The following GRIN2B variants were observed in gnomAD, a reference collection of about 807,000 sequenced individuals.
GRIN2B encodes glutamate ionotropic receptor NMDA type subunit 2B, also known as glutamate receptor ionotropic, NMDA 2B.
In GRIN2B, 5 loss-of-function variants were observed where a neutral mutation model predicts 114.5. The observed-to-expected ratio is 0.04, with a 90% confidence interval of 0.02 to 0.09. The LOEUF (loss-of-function observed/expected upper bound fraction) is 0.09, where lower values mean the gene tolerates loss of function less well. Among genes scored for constraint, GRIN2B ranks in the 10% least tolerant of loss-of-function variants. The pLI, the probability that GRIN2B is intolerant of heterozygous loss-of-function variation, is 1.00. For missense variants in GRIN2B, 1,108 were observed against 1,943.5 expected (o/e 0.57, Z 8.08); for synonymous variants, 787 against 745.1 (o/e 1.06, Z -0.92).
In GRIN2B at chr12:13,866,005, C is replaced by T; in HGVS notation, c.204G>A (p.Val68=). 1 of 1,613,972 alleles carries T rather than the reference C, an allele frequency of 6.2e-7. No homozygotes were observed. The highest frequency in any genetic ancestry group is 8.5e-7 in the Non-Finnish European group (1 of 1,179,928). The change falls in exon 3 of 14, where the codon GTG becomes GTA. Residue 68 remains valine (V), a synonymous_variant. Coordinates refer to ENST00000609686, the MANE Select transcript of GRIN2B (RefSeq NM_000834.5). The part of the protein sequence containing the change: ...DFHHLSVVPR[V]ELVAMNETDP... ...CGGTCTCATTCATGGCTACCAGTTC[C>T]ACCCGGGGTACCACGGAGAGATGGT...
At chr12:13,893,490 A>G (rs1321802204) in intron 2 of GRIN2B, among the ~76,000 whole-genome samples, 1 of 152,224 alleles carries the variant, frequency 6.6e-6, no homozygotes, top group East Asian at 1.9e-4. Flanking sequence ...AGTAGGAAGA[A>G]ATATACCAAA....
chr12:13,650,552 C>T (rs562198877), intron 5 of GRIN2B, among the ~76,000 whole-genome samples: 1 of 152,160 alleles, frequency 6.6e-6, no homozygotes, highest in East Asian at 1.9e-4. Flanking sequence ...GCCACCCTTT[C>T]TTTCTGCTGG....
Position 13,558,714 on chromosome 12 carries a change from T to A in GRIN2B, c.*4069A>T, listed in dbSNP as rs947989197. ...TGGGATTTTCCCCTCAATCACAACA[T>A]GGCTGTGGCCAGTGCAGGGAAATAC... On this transcript the variant is annotated 3_prime_UTR_variant, in exon 14 of 14. Transcript: ENST00000609686. The A allele has an allele frequency of 1.3e-5, 2 of 152,228 alleles. No individual in the cohort carries two copies. The highest frequency in any genetic ancestry group is 6.5e-5 in the Admixed American group (1 of 15,286). The allele number at this position is 152,228 out of a possible 1,614,324, so 9.4% of individuals were successfully genotyped here.
At chr12:13,614,010 G>A (rs1949399653) in intron 8 of GRIN2B, among the ~76,000 whole-genome samples, 1 of 94,144 alleles carries the variant, frequency 1.1e-5, no homozygotes, top group Non-Finnish European at 1.8e-5. Flanking sequence ...AACTATCCTT[G>A]CACAGCAAAA....
At chr12:13,840,578 T>C (rs1865360548) in intron 3 of GRIN2B, among the ~76,000 whole-genome samples, 1 of 152,164 alleles carries the variant, frequency 6.6e-6, no homozygotes, top group Non-Finnish European at 1.5e-5. Flanking sequence ...AACAAGATCA[T>C]TAATGTCATA....
intron 3 of GRIN2B, among the ~76,000 whole-genome samples, chr12:13,798,349 A>G (rs1864452266): frequency 6.6e-6 from 1 of 152,114 alleles, no homozygotes; most frequent in Admixed American, 6.6e-5. Context: ...TAGGGATTCA[A>G]TTATGAATAA....
chr12:13,564,019 G>A lies in GRIN2B; in HGVS notation c.3219C>T (p.Ile1073=), dbSNP rs376935636. Residue 1073 remains isoleucine (I), a synonymous_variant, in exon 14 of 14, where the codon ATC becomes ATT. Transcript: ENST00000609686. This position sits in a 1 kb window ranked among gnomAD's most constrained non-coding sequence, Gnocchi z 4.8. ...TACGCCTCTTGGCGGCATTGCCCTC[G>A]ATGTTCCCATAGGTGACGGTGTGGG... ...ISTHTVTYGN[I]EGNAAKRRKQ... The A allele has an allele frequency of 3.7e-6, 6 of 1,614,104 alleles. No homozygotes were observed. The South Asian group carries it at 4.4e-5, about 12-fold the overall frequency.
intron 2 of GRIN2B, among the ~76,000 whole-genome samples, chr12:13,894,573 G>A (rs535691062): frequency 1.3e-5 from 2 of 152,190 alleles, no homozygotes; most frequent in East Asian, 1.9e-4. Flanking sequence ...GTTAGAATTC[G>A]AGTGACTTTT....
chr12:13,871,380 TAA>T (rs71067734), intron 2 of GRIN2B, among the ~76,000 whole-genome samples: 1 of 143,920 alleles, frequency 6.9e-6, no homozygotes, highest in Non-Finnish European at 1.5e-5. Context: ...TCCAAAATCT[TAA>T]AAAAAAAAAA....
At chr12:13,921,356 C>T (rs546143466) in intron 2 of GRIN2B, among the ~76,000 whole-genome samples, 7 of 152,248 alleles carry the variant, frequency 4.6e-5, no homozygotes, top group Admixed American at 3.9e-4. Flanking sequence ...CTAGATTGTG[C>T]CACTGCCACT....
intron 5 of GRIN2B, among the ~76,000 whole-genome samples, chr12:13,624,968 G>A (rs1949552700): frequency 6.6e-6 from 1 of 152,206 alleles, no homozygotes; most frequent in South Asian, 2.1e-4. Flanking sequence ...GCCAGGAATA[G>A]AAGTTGTTGA....
intron 4 of GRIN2B, among the ~76,000 whole-genome samples, chr12:13,742,307 A>T (rs1226082687): frequency 6.6e-6 from 1 of 152,228 alleles, no homozygotes; most frequent in African/African-American, 2.4e-5. Flanking sequence ...TGGTTTGCCT[A>T]TCTGATCCTC....
chr12:13,795,771 C>A (rs775888320), intron 3 of GRIN2B, among the ~76,000 whole-genome samples: 100 of 152,130 alleles, frequency 6.6e-4, no homozygotes, highest in African/African-American at 2.1e-3. Context: ...GATGAGTTCA[C>A]GTCCTTTGTA....
chr12:13,595,758 A>G (rs1408734142), intron 10 of GRIN2B, among the ~76,000 whole-genome samples: 1 of 152,240 alleles, frequency 6.6e-6, no homozygotes, highest in Non-Finnish European at 1.5e-5. Context: ...TACAATTTGC[A>G]TAACGAGGCA....
At chr12:13,951,750 G>A (rs1446934795) in intron 2 of GRIN2B, among the ~76,000 whole-genome samples, 4 of 152,184 alleles carry the variant, frequency 2.6e-5, no homozygotes, top group Non-Finnish European at 4.4e-5. Flanking sequence ...CTTCTCAAGA[G>A]TGGAGACAAG....
intron 10 of GRIN2B, among the ~76,000 whole-genome samples, chr12:13,573,791 T>C (rs1948737656): frequency 6.6e-6 from 1 of 152,156 alleles, no homozygotes; most frequent in Non-Finnish European, 1.5e-5. Flanking sequence ...GGGAGTTCCA[T>C]GGGCCACAAA....
At chr12:13,973,604 T>C (rs1254244380) in intron 2 of GRIN2B, among the ~76,000 whole-genome samples, 2 of 152,136 alleles carry the variant, frequency 1.3e-5, no homozygotes, top group East Asian at 3.9e-4. Flanking sequence ...CTCATCACTG[T>C]GCCTCCCCTG....
intron 2 of GRIN2B, among the ~76,000 whole-genome samples, chr12:13,933,667 G>A (rs993725814): frequency 6.6e-6 from 1 of 152,184 alleles, no homozygotes; most frequent in Admixed American, 6.5e-5. Context: ...TGGCCCTGCA[G>A]AGCAATTGGA....
At chr12:13,798,032 C>T (rs146531922) in intron 3 of GRIN2B, among the ~76,000 whole-genome samples, 152 of 152,332 alleles carry the variant, frequency 1.0e-3, no homozygotes, top group African/African-American at 3.4e-3. Flanking sequence ...GATTCTGAAG[C>T]CTAAGATTCT....
Sources: gnomAD v4.1 joint callset for allele counts (sites outside exome capture counted in the v4.1 genomes callset) on GRCh38, gnomAD v4.1.1 for gene constraint, Gnocchi (gnomAD v3.1) non-coding constraint, MANE v1.5 for transcripts, NCBI Gene and HGNC (gene_info 2026-07-23, HGNC 2026-07-21) for gene names.